Variants in SLC30A2 observed in about 807,000 individuals in gnomAD.
SLC30A2 encodes proton-coupled zinc antiporter SLC30A2.
Under a neutral mutation model 39.6 loss-of-function variants are expected in SLC30A2, and 19 were observed. That is an observed-to-expected ratio of 0.48 (90% confidence interval 0.34 to 0.70). The LOEUF (loss-of-function observed/expected upper bound fraction) is 0.70. Ranked by LOEUF, SLC30A2 falls within the 30% of genes least tolerant of loss-of-function variation. SLC30A2 has a pLI of 0.01. For synonymous variants in SLC30A2, 195 were observed against 194.8 expected (o/e 1.00, Z -0.01); for missense variants, 387 against 479.4 (o/e 0.81, Z 1.80).
intron 5 of SLC30A2, 34 bp downstream of exon 5, chr1:26,042,515 T>A: frequency 6.3e-7 from 1 of 1,594,810 alleles, no homozygotes. Flanking sequence ...TACACTCCCC[T>A]GCCACCCCCA....
rs1388801647 is a variant in SLC30A2, at chr1:26,043,535, C to T, written c.435G>A (p.Leu145=). Residue 145 remains leucine (L), a synonymous_variant, in exon 4 of 8, where the codon CTG becomes CTA. Transcript: ENST00000374276. Reference sequence around the variant, plus strand: ...CGACCCAGATGGACAGTACAGAGACCAGGGCTCCCAAGATCTCTGAGGAAG... The same window carrying T: ...CGACCCAGATGGACAGTACAGAGACTAGGGCTCCCAAGATCTCTGAGGAAG... ...GWQRAEILGA[L]VSVLSIWVVT... 7.4e-6 allele frequency: 12 copies of T among 1,613,934 alleles called. No individual in the cohort carries two copies. In the East Asian group the frequency reaches 2.7e-4, roughly 36 times the overall value.
chr1:26,045,968 C>T lies in SLC30A2; in HGVS notation c.-72G>A. On this transcript the variant is annotated 5_prime_UTR_variant, in exon 1 of 8. Coordinates refer to ENST00000374276, the MANE Select transcript of SLC30A2 (RefSeq NM_001004434.3). ...TGCGCCCTGAAAGTTGCGCGCGGGACTCCGGGTGGCGCTCACCCACCTGCC... is the reference window on the plus strand; with the variant it reads ...TGCGCCCTGAAAGTTGCGCGCGGGATTCCGGGTGGCGCTCACCCACCTGCC... The T allele has an allele frequency of 6.3e-6, 10 of 1,589,792 alleles. No individual in the cohort carries two copies. The highest frequency in any genetic ancestry group is 7.7e-6 in the Non-Finnish European group (9 of 1,174,502).
At chr1:26,043,275 G>T in intron 4 of SLC30A2, 123 bp downstream of exon 4, 3 of 1,049,856 alleles carry the variant, frequency 2.9e-6, no homozygotes, top group Non-Finnish European at 4.3e-6. Context: ...GACCATTAGG[G>T]AAGTTCTGTC....
In SLC30A2 at chr1:26,045,020, A is replaced by G. The variant is rs760512644; in HGVS notation, c.248T>C (p.Leu83Ser). 1.9e-6 allele frequency: 3 copies of G among 1,614,262 alleles called. No homozygotes were observed. Among genetic ancestry groups the G allele is most frequent in the Non-Finnish European group, 2.5e-6 (3 of 1,180,046 alleles). ...ACCAACGACTTCTCCGATCATGAACAACAGGCAGATGGCAGAGGCTACATA... is the reference window on the plus strand; with the variant it reads ...ACCAACGACTTCTCCGATCATGAACGACAGGCAGATGGCAGAGGCTACATA... Reference protein sequence around the residue: ...QLYVASAICLLFMIGEVVGGY... With the variant: ...QLYVASAICLSFMIGEVVGGY... Residue 83 changes from leucine (L) to serine (S), a missense_variant, in exon 2 of 8, where the codon TTG becomes TCG. By Grantham distance (145) the Leu-to-Ser change is moderately radical. Coordinates refer to ENST00000374276, the MANE Select transcript of SLC30A2 (RefSeq NM_001004434.3).
intron 3 of SLC30A2, among the ~76,000 whole-genome samples, chr1:26,044,022 G>C (rs1055854229): frequency 2.6e-5 from 4 of 152,108 alleles, no homozygotes; most frequent in Admixed American, 2.6e-4. Context: ...ATTGTCATTT[G>C]TTCTTGAAGC....
chr1:26,045,904 C>G lies in SLC30A2; in HGVS notation c.-8G>C. The G allele has an allele frequency of 6.2e-7, 1 of 1,610,414 alleles. No homozygotes were observed. The highest frequency in any genetic ancestry group is 8.5e-7 in the Non-Finnish European group (1 of 1,179,522). ...CTTCTCCTTGGCCTCCATGCAGTCC[C>G]GCGCCGAGTCCCGGCAGCCGCGCAG... On this transcript the variant is annotated 5_prime_UTR_variant, in exon 1 of 8. Coordinates refer to ENST00000374276, the MANE Select transcript of SLC30A2 (RefSeq NM_001004434.3).
intron 5 of SLC30A2, 149 bp downstream of exon 5, chr1:26,042,400 A>T: frequency 1.4e-6 from 1 of 695,416 alleles, no homozygotes; most frequent in Non-Finnish European, 2.5e-6. Flanking sequence ...GACACTTGGT[A>T]GGTATTGGAT....
rs1211186252 is a variant in SLC30A2 at position 26,039,356 on chromosome 1, G to A, written c.974-51C>T. 2.8e-6 allele frequency: 4 copies of A among 1,440,210 alleles called. No individual in the cohort carries two copies. In the Admixed American group the frequency reaches 5.2e-5, roughly 19 times the overall value. 89.2% of individuals were successfully genotyped at this position (1,440,210 alleles called of 1,614,324 possible). ...GGAAGCCATTTACTCTGGCCCTTTG[G>A]AACCATCAGGAGCCCAAATCTCATA... On this transcript the variant is annotated intron_variant, in intron 7 of 7. Coordinates refer to ENST00000374276, the MANE Select transcript of SLC30A2 (RefSeq NM_001004434.3). This position sits in a 1 kb window ranked among gnomAD's most constrained non-coding sequence, Gnocchi z 4.3.
chr1:26,043,302 G>A, intron 4 of SLC30A2, 96 bp downstream of exon 4: 1 of 1,321,716 alleles, frequency 7.6e-7, no homozygotes, highest in Non-Finnish European at 1.1e-6. Context: ...GCGTATGCTG[G>A]AAAGTGGCAC....
intron 4 of SLC30A2, 74 bp downstream of exon 4, chr1:26,043,324 G>A (rs151315709): frequency 1.5e-5 from 22 of 1,478,752 alleles, no homozygotes; most frequent in Middle Eastern, 1.8e-4. Flanking sequence ...GTCTCTTTCC[G>A]CAAAGCAGAC....
At chr1:26,044,964 C>T (rs1222234516) in intron 2 of SLC30A2, 33 bp downstream of exon 2, 2 of 1,577,804 alleles carry the variant, frequency 1.3e-6, no homozygotes. Context: ...TATCCATGCA[C>T]CAACTTCATT....
intron 1 of SLC30A2, 21 bp downstream of exon 1, chr1:26,045,826 G>A: frequency 1.9e-6 from 3 of 1,613,574 alleles, no homozygotes; most frequent in African/African-American, 1.3e-5. Context: ...ATTCCCGCCC[G>A]TCCCCAGGCT....
intron 5 of SLC30A2, 21 bp downstream of exon 5, chr1:26,042,528 A>T (rs1368610872): frequency 6.2e-7 from 1 of 1,606,246 alleles, no homozygotes. Flanking sequence ...CACCCCCACC[A>T]CCCTGTGTCC....
intron 4 of SLC30A2, 80 bp from the exon 5 acceptor site, chr1:26,042,788 G>T: frequency 1.5e-6 from 2 of 1,345,062 alleles, no homozygotes; most frequent in Non-Finnish European, 2.1e-6. Context: ...AACTTGTAGG[G>T]CAAAAATCTC....
chr1:26,039,764 C>T lies in SLC30A2; in HGVS notation c.973+13G>A. 2 of 1,613,058 alleles carry T rather than the reference C, an allele frequency of 1.2e-6. No individual in the cohort carries two copies. Among genetic ancestry groups the T allele is most frequent in the Non-Finnish European group, 1.7e-6 (2 of 1,179,572 alleles). ...CTGTCTCCCACCCCACCCTGAGTGTCCCAAGCACTCACCAATGGCGATGTG... is the reference window on the plus strand; with the variant it reads ...CTGTCTCCCACCCCACCCTGAGTGTTCCAAGCACTCACCAATGGCGATGTG... On this transcript the variant is annotated intron_variant, in intron 7 of 7. Coordinates refer to ENST00000374276, the MANE Select transcript of SLC30A2 (RefSeq NM_001004434.3). This position sits in a 1 kb window ranked among gnomAD's most constrained non-coding sequence, Gnocchi z 4.3.
At chr1:26,044,208 G>C in intron 3 of SLC30A2, 90 bp downstream of exon 3, 1 of 1,371,310 alleles carries the variant, frequency 7.3e-7, no homozygotes, top group Non-Finnish European at 1.0e-6. Flanking sequence ...GGGGAGGAAG[G>C]GGGGATCCAC....
intron 3 of SLC30A2, 117 bp downstream of exon 3, chr1:26,044,181 C>T (rs1345116164): frequency 1.9e-6 from 2 of 1,066,820 alleles, no homozygotes; most frequent in East Asian, 2.4e-5. Flanking sequence ...TCCAGATCAC[C>T]CTCCTGGCCT....
At position 26,037,576 on chromosome 1, in the gene SLC30A2, C is replaced by T. The variant is rs2050354097; in HGVS notation, c.*1584G>A. 6.7e-6 allele frequency: 1 copy of T among 149,392 alleles called. No homozygotes were observed. Among genetic ancestry groups the T allele is most frequent in the Non-Finnish European group, 1.5e-5 (1 of 67,334 alleles). The allele number at this position is 149,392 out of a possible 1,614,324, so 9.3% of individuals were successfully genotyped here. On this transcript the variant is annotated 3_prime_UTR_variant, in exon 8 of 8. Transcript: ENST00000374276. ...AGGGGTGTAAGGACTTGGCATACGG[C>T]AAAGCCCAGGATCAAGTTCCTGGGG...
In SLC30A2 at chr1:26,045,158, C is replaced by T; in HGVS notation, c.110G>A (p.Gly37Asp). The stretch of plus-strand genomic sequence containing the variant: ...CAGCTCAATGGCCTGCAAGTCCAGG[C>T]CAGGTCGGGGCAGAGGAATCCAGCC... ...GAGWIPLPRP[G>D]LDLQAIELAA... Residue 37 changes from glycine to aspartate, a missense_variant, in exon 2 of 8, where the codon GGC (glycine) becomes GAC (aspartate). Physicochemically the swap from Gly to Asp is moderately conservative, Grantham distance 94. Coordinates refer to ENST00000374276, the MANE Select transcript of SLC30A2 (RefSeq NM_001004434.3). 1 of 1,613,498 alleles carries T rather than the reference C, an allele frequency of 6.2e-7. No homozygotes were observed. The highest frequency in any genetic ancestry group is 2.2e-5 in the East Asian group (1 of 44,882).
Sources: gnomAD v4.1 joint callset for allele counts (sites outside exome capture counted in the v4.1 genomes callset) on GRCh38, gnomAD v4.1.1 for gene constraint, Gnocchi (gnomAD v3.1) non-coding constraint, MANE v1.5 for transcripts, NCBI Gene and HGNC (gene_info 2026-07-23, HGNC 2026-07-21) for gene names.